Variants in ATG7 observed in about 807,000 individuals in gnomAD.
ATG7 encodes ubiquitin-like modifier-activating enzyme ATG7.
ATG7 carries 70 observed loss-of-function variants against 82.4 expected under a neutral mutation model. The ratio of observed to expected loss-of-function variants is 0.85; its 90% CI spans 0.70 to 1.04. ATG7 has a LOEUF of 1.04. Among genes scored for constraint, ATG7 ranks in the 50% least tolerant of loss-of-function variants. The pLI, the probability that ATG7 is intolerant of heterozygous loss-of-function variation, is 0.00. For missense variants in ATG7, 792 were observed against 864.3 expected (o/e 0.92, Z 1.05); for synonymous variants, 287 against 313.0 (o/e 0.92, Z 0.88).
chr3:11,331,299 C>T (rs1215924854), intron 9 of ATG7, 41 bp from the exon 10 acceptor site: 1 of 1,458,090 alleles, frequency 6.9e-7, no homozygotes, highest in Non-Finnish European at 9.6e-7. Flanking sequence ...GTGAAGCTGA[C>T]ATGATACTCG....
chr3:11,533,987 A>C (rs1010266480), intron 20 of ATG7, among the ~76,000 whole-genome samples: 1 of 152,246 alleles, frequency 6.6e-6, no homozygotes, highest in Non-Finnish European at 1.5e-5. Context: ...AGAAATGTGC[A>C]GCCACAAAGG....
chr3:11,454,841 G>C (rs1007625204), intron 20 of ATG7, among the ~76,000 whole-genome samples: 2 of 152,164 alleles, frequency 1.3e-5, no homozygotes, highest in African/African-American at 4.8e-5. Flanking sequence ...TACCATATTG[G>C]ATGATACAGA....
At chr3:11,534,146 AC>A (rs2092745371) in intron 20 of ATG7, among the ~76,000 whole-genome samples, 2 of 152,190 alleles carry the variant, frequency 1.3e-5, no homozygotes, top group Admixed American at 6.5e-5. Flanking sequence ...AGGGCTTGTC[AC>A]CTGCACACAC....
chr3:11,461,753 G>T (rs539990666), intron 20 of ATG7, among the ~76,000 whole-genome samples: 1 of 152,082 alleles, frequency 6.6e-6, no homozygotes, highest in Non-Finnish European at 1.5e-5. Context: ...TGGGCCGGGC[G>T]CAGTGGCTCA....
At chr3:11,359,737 T>C (rs2076167925) in intron 15 of ATG7, among the ~76,000 whole-genome samples, 1 of 150,520 alleles carries the variant, frequency 6.6e-6, no homozygotes, top group Non-Finnish European at 1.5e-5. Flanking sequence ...AAAAACCAAC[T>C]ATGCGGAGCC....
chr3:11,569,414 G>C, the ATG7 span, among the ~76,000 whole-genome samples: 1 of 152,236 alleles, frequency 6.6e-6, no homozygotes, highest in Non-Finnish European at 1.5e-5. Context: ...ATGAGGCCCA[G>C]GGCAGCCTTG....
At chr3:11,455,627 AC>A (rs1264804245) in intron 20 of ATG7, among the ~76,000 whole-genome samples, 1 of 152,158 alleles carries the variant, frequency 6.6e-6, no homozygotes, top group Non-Finnish European at 1.5e-5. Context: ...TGGCCTGAAA[AC>A]CAGGAGCACT....
chr3:11,571,072 C>T, the ATG7 span, among the ~76,000 whole-genome samples: 1 of 152,108 alleles, frequency 6.6e-6, no homozygotes, highest in African/African-American at 2.4e-5. Flanking sequence ...GCAGAGACAC[C>T]CTCCTAAGTA....
At chr3:11,407,923 A>G (rs762916438) in intron 19 of ATG7, among the ~76,000 whole-genome samples, 10 of 152,262 alleles carry the variant, frequency 6.6e-5, no homozygotes, top group South Asian at 4.2e-4. Flanking sequence ...CATGCCCTGG[A>G]GGCATTTTCC....
At chr3:11,439,234 AT>A (rs545282340) in intron 20 of ATG7, among the ~76,000 whole-genome samples, 1 of 151,472 alleles carries the variant, frequency 6.6e-6, no homozygotes, top group African/African-American at 2.4e-5. Flanking sequence ...ACGCCCGGCT[AT>A]TTTTTGTAGT....
intron 19 of ATG7, among the ~76,000 whole-genome samples, chr3:11,419,333 G>A (rs1050965391): frequency 1.3e-5 from 2 of 152,062 alleles, no homozygotes; most frequent in Non-Finnish European, 1.5e-5. Flanking sequence ...TGGGTGGATC[G>A]CTTGAGGCCA....
chr3:11,575,640 C>G, the ATG7 span, among the ~76,000 whole-genome samples: 5 of 152,246 alleles, frequency 3.3e-5, no homozygotes, highest in Non-Finnish European at 7.3e-5. Flanking sequence ...AGACACCAGC[C>G]TTAGGAGAGA....
chr3:11,379,609 T>G (rs1191366381), intron 18 of ATG7, among the ~76,000 whole-genome samples: 2 of 152,222 alleles, frequency 1.3e-5, no homozygotes, highest in Non-Finnish European at 2.9e-5. Context: ...AGAACACATG[T>G]GGGAGCTTAA....
intron 20 of ATG7, among the ~76,000 whole-genome samples, chr3:11,519,563 T>G (rs1466627782): frequency 5.4e-5 from 6 of 110,292 alleles, no homozygotes; most frequent in South Asian, 3.2e-4. Flanking sequence ...TTTTTTTTTT[T>G]TTTTTTTTTT....
chr3:11,311,379 G>A (rs1271147812), intron 7 of ATG7, among the ~76,000 whole-genome samples: 2 of 151,910 alleles, frequency 1.3e-5, no homozygotes, highest in Non-Finnish European at 2.9e-5. Flanking sequence ...CGAGGTAGGC[G>A]GATTGCCTGA....
At chr3:11,557,876 G>C, downstream of ATG7, 1 of 152,520 alleles carries the variant, frequency 6.6e-6, no homozygotes, top group Non-Finnish European at 1.5e-5. Flanking sequence ...TCTAGAGAGA[G>C]AAAGACCTAT....
chr3:11,396,310 A>G (rs1448487253), intron 19 of ATG7, among the ~76,000 whole-genome samples: 2 of 151,932 alleles, frequency 1.3e-5, no homozygotes, highest in Non-Finnish European at 2.9e-5. Flanking sequence ...AGCCAGACGC[A>G]TGCCTGTAGT....
chr3:11,461,940 G>T (rs750383183), intron 20 of ATG7, among the ~76,000 whole-genome samples: 76 of 152,108 alleles, frequency 5.0e-4, no homozygotes, highest in Non-Finnish European at 9.7e-4. Flanking sequence ...TGAGGCAGGA[G>T]AATGGTTATG....
chr3:11,452,703 G>A (rs1236417182), intron 20 of ATG7, among the ~76,000 whole-genome samples: 1 of 152,202 alleles, frequency 6.6e-6, no homozygotes, highest in African/African-American at 2.4e-5. Context: ...TTAAAGTTGA[G>A]TCACCACAGG....
Sources: allele counts gnomAD v4.1 joint callset (sites outside exome capture counted in the v4.1 genomes callset), GRCh38; gene constraint gnomAD v4.1.1; transcripts MANE v1.5; gene names NCBI Gene and HGNC (gene_info 2026-07-23, HGNC 2026-07-21).